CAST: variants seen among roughly 807,000 people sequenced by gnomAD.
The protein encoded by CAST is MIR583 host.
CAST carries 76 observed loss-of-function variants against 119.6 expected under a neutral mutation model. The ratio of observed to expected loss-of-function variants is 0.64; its 90% confidence interval spans 0.53 to 0.77. The LOEUF (loss-of-function observed/expected upper bound fraction) is 0.77. Among genes scored for constraint, CAST ranks in the 30% least tolerant of loss-of-function variants. The pLI is 0.00. For missense variants in CAST, 953 were observed against 946.5 expected, an observed-to-expected ratio of 1.01 and a Z score of -0.09; for synonymous variants, 319 against 331.6, an observed-to-expected ratio of 0.96 and a Z score of 0.41.
At chr5:96,439,613 T>G in the CAST span, among the ~76,000 whole-genome samples, 1 of 152,180 alleles carries the variant, frequency 6.6e-6, no homozygotes, top group Non-Finnish European at 1.5e-5. Flanking sequence ...GCAAAGAGAC[T>G]GAGGGTGTTT....
At chr5:96,055,206 T>C in the CAST span, among the ~76,000 whole-genome samples, 2 of 152,224 alleles carry the variant, frequency 1.3e-5, no homozygotes, top group Middle Eastern at 3.4e-3. Flanking sequence ...GACCTTTCCC[T>C]CTTTCCCCTT....
the CAST span, among the ~76,000 whole-genome samples, chr5:96,249,364 TATA>T: frequency 6.6e-6 from 1 of 152,232 alleles, no homozygotes; most frequent in Non-Finnish European, 1.5e-5. Flanking sequence ...CTCCCAGTCA[TATA>T]ATCTTGAAAA....
chr5:96,049,889 CAAA>C, the CAST span, among the ~76,000 whole-genome samples: 139 of 34,184 alleles, frequency 4.1e-3, no homozygotes, highest in African/African-American at 0.011. Context: ...GAACAGGAGG[CAAA>C]AAAAAAAAAA....
chr5:96,408,143 T>C, the CAST span: 7 of 985,994 alleles, frequency 7.1e-6, no homozygotes, highest in African/African-American at 6.4e-5. Flanking sequence ...CCTGTAACCA[T>C]GTATTCAGAA....
the CAST span, among the ~76,000 whole-genome samples, chr5:96,313,035 A>G: frequency 2.2e-4 from 34 of 152,240 alleles, no homozygotes; most frequent in African/African-American, 7.7e-4. Context: ...GTTCAAGTCT[A>G]CCACTGGATA....
At chr5:96,498,029 C>G in the CAST span, among the ~76,000 whole-genome samples, 6 of 152,050 alleles carry the variant, frequency 3.9e-5, no homozygotes, top group Non-Finnish European at 5.9e-5. Flanking sequence ...ATGTTGAATT[C>G]ATTTTTGTAT....
the CAST span, among the ~76,000 whole-genome samples, chr5:96,222,325 C>G: frequency 6.6e-6 from 1 of 152,054 alleles, no homozygotes; most frequent in South Asian, 2.1e-4. Context: ...AAGAGACAAC[C>G]TGTTGAATGG....
intron 1 of CAST, among the ~76,000 whole-genome samples, chr5:96,567,228 T>A (rs1322799086): frequency 1.3e-5 from 2 of 152,218 alleles, no homozygotes; most frequent in African/African-American, 2.4e-5. Flanking sequence ...GATCTTAATT[T>A]ACTGCTTTCT....
At chr5:96,361,907 C>A in the CAST span, among the ~76,000 whole-genome samples, 1 of 143,718 alleles carries the variant, frequency 7.0e-6, no homozygotes, top group East Asian at 2.2e-4. Flanking sequence ...CATATGTATA[C>A]ATGTGCCATG....
the CAST span, among the ~76,000 whole-genome samples, chr5:95,967,550 A>G: frequency 6.6e-6 from 1 of 152,178 alleles, no homozygotes; most frequent in African/African-American, 2.4e-5. Context: ...AATGGGAGGT[A>G]ATTGAATCAT....
chr5:96,366,233 T>C, the CAST span, among the ~76,000 whole-genome samples: 5 of 152,216 alleles, frequency 3.3e-5, no homozygotes, highest in African/African-American at 4.8e-5. Flanking sequence ...GTGGGTAATC[T>C]GACCTTTCTC....
rs186397155 is a variant in CAST at position 96,668,633 on chromosome 5, T to G, written c.75+6136T>G. On this transcript the variant is annotated intron_variant, in intron 1 of 31. Coordinates refer to ENST00000675179, the MANE Select transcript of CAST (RefSeq NM_001750.7). ...CCCCTGGGATAGATACCATTAGCCC[T>G]ATTTTACAAAAAGAAACTGAAAAAT... is the stretch of plus-strand genomic sequence containing the variant. 3.9e-3 allele frequency among the ~76,000 whole-genome samples: 589 copies of G among 152,332 alleles called. 11 individuals carry two copies. Among genetic ancestry groups the G allele is most frequent in the South Asian group, 0.033 (161 of 4,832 alleles).
the CAST span, among the ~76,000 whole-genome samples, chr5:96,447,096 C>T: frequency 4.6e-5 from 7 of 152,184 alleles, no homozygotes; most frequent in South Asian, 4.1e-4. Flanking sequence ...TGGCTCCCAT[C>T]GGAGAATTCA....
chr5:96,770,954 G>A (rs887176749), intron 30 of CAST, among the ~76,000 whole-genome samples: 1 of 152,052 alleles, frequency 6.6e-6, no homozygotes, highest in Non-Finnish European at 1.5e-5. Context: ...AAGCTGTGAT[G>A]AGAAATGAAA....
chr5:96,516,008 A>G, the CAST span, among the ~76,000 whole-genome samples: 6 of 31,894 alleles, frequency 1.9e-4, no homozygotes, highest in African/African-American at 3.2e-4. Context: ...CACTCACCTT[A>G]TAGCCCTTGA....
chr5:96,298,891 T>TGTGTGTGTGTGC, the CAST span, among the ~76,000 whole-genome samples: 1 of 151,946 alleles, frequency 6.6e-6, no homozygotes, highest in South Asian at 2.1e-4. Context: ...TGTGTGTGTG[T>TGTGTGTGTGTGC]GTGTGTGCCT....
chr5:96,365,773 T>C, the CAST span, among the ~76,000 whole-genome samples: 1 of 152,232 alleles, frequency 6.6e-6, no homozygotes, highest in East Asian at 1.9e-4. Flanking sequence ...CTTGACTCTT[T>C]ATCCAATTTG....
chr5:96,555,606 G>A (rs913888334), intron 1 of CAST, among the ~76,000 whole-genome samples: 15 of 152,310 alleles, frequency 9.8e-5, no homozygotes, highest in Admixed American at 4.6e-4. Context: ...AGGGTCCTAC[G>A]CCCATGGAGC....
At chr5:96,534,737 GAGAGAAAGAAAGAA>G (rs1472045353) in intron 1 of CAST, among the ~76,000 whole-genome samples, 43 of 14,220 alleles carry the variant, frequency 3.0e-3, no homozygotes, top group African/African-American at 9.1e-3. Context: ...GAGAGAGAGA[GAGAGAAAGAAAGAA>G]AGAAAGAAAG....
Sources: allele counts gnomAD v4.1 joint callset (sites outside exome capture counted in the v4.1 genomes callset), GRCh38; gene constraint gnomAD v4.1.1; transcripts MANE v1.5; gene names NCBI Gene and HGNC (gene_info 2026-07-23, HGNC 2026-07-21).